Variants in ANK2 observed in about 807,000 individuals in gnomAD.
The protein encoded by ANK2 is ankyrin-2.
In ANK2, 83 loss-of-function variants were observed where a neutral mutation model predicts 360.5. The observed-to-expected ratio is 0.23, with a 90% CI of 0.19 to 0.28. The LOEUF (loss-of-function observed/expected upper bound fraction) is 0.28. ANK2 is among the 10% of genes least tolerant of loss of function. ANK2 has a pLI of 1.00. For missense variants in ANK2, 4,201 were observed against 4,795.7 expected (o/e 0.88, Z 3.66); for synonymous variants, 1,740 against 1,759.5 (o/e 0.99, Z 0.28).
chr4:113,026,448 G>A (rs975132532), intron 2 of ANK2, among the ~76,000 whole-genome samples: 6 of 152,136 alleles, frequency 3.9e-5, no homozygotes, highest in Non-Finnish European at 7.3e-5. Flanking sequence ...AACAGAAACC[G>A]TGTCTACTCT....
At chr4:112,856,685 G>T (rs1449274727) in intron 1 of ANK2, among the ~76,000 whole-genome samples, 1 of 152,196 alleles carries the variant, frequency 6.6e-6, no homozygotes, top group African/African-American at 2.4e-5. Flanking sequence ...CCAAGATCAC[G>T]CCACTGCACT....
the ANK2 span, among the ~76,000 whole-genome samples, chr4:112,743,407 A>T: frequency 2.0e-5 from 3 of 152,100 alleles, no homozygotes; most frequent in Non-Finnish European, 2.9e-5. Flanking sequence ...TCCTCTAAAG[A>T]TAACTTCCTT....
At chr4:113,301,948 C>T (rs888633356) in intron 22 of ANK2, among the ~76,000 whole-genome samples, 3 of 152,208 alleles carry the variant, frequency 2.0e-5, no homozygotes, top group African/African-American at 7.2e-5. Context: ...GGAGTGCCAA[C>T]ATATGCCAAG....
At chr4:112,786,576 T>C in the ANK2 span, among the ~76,000 whole-genome samples, 3 of 151,660 alleles carry the variant, frequency 2.0e-5, no homozygotes, top group East Asian at 3.9e-4. Flanking sequence ...TTTGTATTTT[T>C]AGTAGAGACG....
intron 1 of ANK2, among the ~76,000 whole-genome samples, chr4:113,068,664 A>G (rs2076447118): frequency 6.6e-6 from 1 of 152,178 alleles, no homozygotes; most frequent in South Asian, 2.1e-4. Context: ...TGACATGGCT[A>G]AGAGTCAAAA....
At chr4:113,293,326 G>A (rs1237198578) in intron 21 of ANK2, 114 bp from the exon 22 acceptor site, 1 of 910,284 alleles carries the variant, frequency 1.1e-6, no homozygotes, top group African/African-American at 1.6e-5. Context: ...TTCCTAAGCT[G>A]TGCCTTGTTT....
At chr4:113,132,051 T>C (rs2154378516) in intron 1 of ANK2, among the ~76,000 whole-genome samples, 1 of 152,282 alleles carries the variant, frequency 6.6e-6, no homozygotes, top group South Asian at 2.1e-4. Context: ...TAGGAAAATA[T>C]TTTTTACCAT....
intron 1 of ANK2, chr4:112,826,393 C>G: frequency 2.0e-6 from 2 of 1,015,656 alleles, no homozygotes; most frequent in South Asian, 1.5e-5. Context: ...CCAGTTGTCC[C>G]TGGAACAGAA....
the ANK2 span, among the ~76,000 whole-genome samples, chr4:112,771,571 T>C: frequency 3.4e-5 from 5 of 146,260 alleles, no homozygotes; most frequent in Non-Finnish European, 5.9e-5. Flanking sequence ...CATGATCTAA[T>C]GGGAATAAGC....
At chr4:113,009,600 TCATGAGCATCC>T (rs1265734879) in intron 2 of ANK2, among the ~76,000 whole-genome samples, 1 of 152,064 alleles carries the variant, frequency 6.6e-6, no homozygotes, top group African/African-American at 2.4e-5. Context: ...TATTTCCCGA[TCATGAGCATCC>T]CATGATTCTA....
intron 1 of ANK2, among the ~76,000 whole-genome samples, chr4:113,070,750 C>T (rs2077254916): frequency 6.6e-6 from 1 of 152,004 alleles, no homozygotes; most frequent in Admixed American, 6.6e-5. Context: ...TGTGACTTCC[C>T]TGATTTCACT....
Position 112,957,810 on chromosome 4 carries a change from C to T in ANK2, c.21+53296C>T, listed in dbSNP as rs562439036. ...CTCACTTCTCAGACGGGGCGGCTGC[C>T]GGGCGGAGGGGCTCCTCACTTCTCA... On this transcript the variant is annotated intron_variant, in intron 2 of 30. Transcript: ENST00000503271. 2.4e-3 allele frequency among the ~76,000 whole-genome samples: 347 copies of T among 147,606 alleles called. 1 individual carries two copies. Among genetic ancestry groups the T allele is most frequent in the East Asian group, 7.8e-3 (39 of 4,972 alleles).
chr4:112,809,790 G>A, the ANK2 span, among the ~76,000 whole-genome samples: 1 of 147,036 alleles, frequency 6.8e-6, no homozygotes, highest in Non-Finnish European at 1.5e-5. Context: ...AGCTGTGATC[G>A]CGCAACTGCA....
chr4:113,335,559 G>A (rs2093411454), intron 29 of ANK2, among the ~76,000 whole-genome samples: 1 of 152,136 alleles, frequency 6.6e-6, no homozygotes, highest in African/African-American at 2.4e-5. Context: ...AGGTGGCCCT[G>A]CAATGCTGCA....
the ANK2 span, among the ~76,000 whole-genome samples, chr4:112,785,632 A>G: frequency 6.6e-6 from 1 of 150,674 alleles, no homozygotes; most frequent in Non-Finnish European, 1.5e-5. Context: ...TGGCCTCCCA[A>G]AGTGCTGGAT....
At position 113,232,220 on chromosome 4, in the gene ANK2, T is replaced by C; in HGVS notation, c.444T>C (p.Tyr148=). The change falls in exon 5 of 46, where the codon TAT becomes TAC. Residue 148 remains tyrosine, a synonymous_variant. Coordinates refer to ENST00000357077, the MANE Select transcript of ANK2 (RefSeq NM_001148.6). ...AGAATCACATTGATGTTGTAAAATA[T>C]TTGCTGGAAAATGGAGCTAATCAGA... ...AQENHIDVVK[Y]LLENGANQST... 1 of 1,608,404 alleles carries C rather than the reference T, an allele frequency of 6.2e-7. No homozygotes were observed. Among genetic ancestry groups the C allele is most frequent in the South Asian group, 1.1e-5 (1 of 90,966 alleles).
In ANK2 at chr4:113,195,087, A is replaced by G. The variant is rs114047192; in HGVS notation, c.187-1281A>G. ...ACATTTCAGTAGAAGACTGTTAGAT[A>G]GCACATCTCTGAACTATAAATCTGA... On this transcript the variant is annotated intron_variant, in intron 2 of 45. Transcript: ENST00000357077. Among the ~76,000 whole-genome samples, 597 of 152,260 alleles carry G rather than the reference A, an allele frequency of 3.9e-3. 4 individuals are homozygous for G. The highest frequency in any genetic ancestry group is 0.014 in the African/African-American group (562 of 41,588).
chr4:113,044,203 A>G (rs982193170), intron 2 of ANK2, among the ~76,000 whole-genome samples: 6 of 152,174 alleles, frequency 3.9e-5, no homozygotes, highest in Non-Finnish European at 7.4e-5. Context: ...CTCGCATGAG[A>G]AAAAGTTACT....
At chr4:113,001,412 A>G (rs61104276) in intron 2 of ANK2, among the ~76,000 whole-genome samples, 24,098 of 151,806 alleles carry the variant, frequency 0.16, 2,329 homozygotes, top group East Asian at 0.39. Context: ...GTAAATAACT[A>G]AGCAAAACCA....
Sources: allele counts gnomAD v4.1 joint callset (sites outside exome capture counted in the v4.1 genomes callset), GRCh38; gene constraint gnomAD v4.1.1; transcripts MANE v1.5; gene names NCBI Gene and HGNC (gene_info 2026-07-23, HGNC 2026-07-21).